The following PCLO variants were observed in gnomAD, a reference collection of about 807,000 sequenced individuals.
PCLO encodes piccolo presynaptic cytomatrix protein, also known as protein piccolo.
In PCLO, 82 loss-of-function variants were observed where a neutral mutation model predicts 427.5. The observed-to-expected ratio is 0.19, with a 90% CI of 0.16 to 0.23. The LOEUF (loss-of-function observed/expected upper bound fraction) is 0.23. Ranked by LOEUF, PCLO falls within the 10% of genes least tolerant of loss-of-function variation. The pLI, the probability that PCLO is intolerant of heterozygous loss-of-function variation, is 1.00. For synonymous variants in PCLO, 2,357 were observed against 2,155.4 expected, an observed-to-expected ratio of 1.09 and a Z score of -2.59; for missense variants, 6,239 against 6,115.9, an observed-to-expected ratio of 1.02 and a Z score of -0.67.
At chr7:83,047,435 T>C (rs190537698) in intron 3 of PCLO, among the ~76,000 whole-genome samples, 4 of 152,214 alleles carry the variant, frequency 2.6e-5, no homozygotes, top group Admixed American at 1.3e-4. Flanking sequence ...CCTTCATCTC[T>C]TACATTGTCC....
At chr7:83,114,722 G>A (rs1450191750) in intron 3 of PCLO, among the ~76,000 whole-genome samples, 1 of 151,868 alleles carries the variant, frequency 6.6e-6, no homozygotes, top group Non-Finnish European at 1.5e-5. Context: ...GATTGCATTG[G>A]GCCCATTAGT....
rs981736999 is a variant in PCLO at position 83,162,751 on chromosome 7, G to C, written c.-159C>G. 2.3e-5 allele frequency: 22 copies of C among 940,108 alleles called. No individual in the cohort carries two copies. In the African/African-American group the frequency reaches 2.9e-4, roughly 12 times the overall value. 58.2% of individuals were successfully genotyped at this position (940,108 alleles called of 1,614,324 possible). A position where few individuals can be genotyped will look rare whatever the true frequency, so the allele number is the denominator to read the frequency against. ...CCAGGCACTGCCGCCCGGAACGCCA[G>C]GCAGGGGTTAGTCCCGCTCGCAGGT... is the stretch of plus-strand genomic sequence containing the variant. On this transcript the variant is annotated 5_prime_UTR_variant, in exon 1 of 25. Coordinates refer to ENST00000333891, the MANE Select transcript of PCLO (RefSeq NM_033026.6).
intron 10 of PCLO, among the ~76,000 whole-genome samples, chr7:82,875,696 T>A (rs1426847071): frequency 6.6e-6 from 1 of 152,122 alleles, no homozygotes; most frequent in Non-Finnish European, 1.5e-5. Flanking sequence ...TGTCTTAAAA[T>A]CCTGTTATAT....
At chr7:83,026,806 C>G (rs1788511176) in intron 3 of PCLO, among the ~76,000 whole-genome samples, 1 of 148,786 alleles carries the variant, frequency 6.7e-6, no homozygotes, top group African/African-American at 2.5e-5. Flanking sequence ...GAATCTCACT[C>G]AAAACCGCTC....
chr7:82,779,079 A>G (rs1790815478), intron 22 of PCLO, among the ~76,000 whole-genome samples: 1 of 152,114 alleles, frequency 6.6e-6, no homozygotes, highest in Non-Finnish European at 1.5e-5. Context: ...GACATACTGT[A>G]TTCACGTCTT....
chr7:82,925,198 A>G (rs190884939), intron 6 of PCLO, among the ~76,000 whole-genome samples: 24 of 152,286 alleles, frequency 1.6e-4, no homozygotes, highest in Admixed American at 1.4e-3. Context: ...AATCATCTAA[A>G]AAGAGCTATT....
chr7:82,781,101 T>C (rs931820759), intron 22 of PCLO, among the ~76,000 whole-genome samples: 1 of 151,960 alleles, frequency 6.6e-6, no homozygotes, highest in African/African-American at 2.4e-5. Flanking sequence ...TAAGCAGTAA[T>C]TTTGAAAATA....
At chr7:83,072,465 C>T (rs1562950232) in intron 3 of PCLO, among the ~76,000 whole-genome samples, 2 of 152,006 alleles carry the variant, frequency 1.3e-5, no homozygotes. Flanking sequence ...CCTTCTTTTA[C>T]CACACTCGTC....
chr7:82,830,626 G>A (rs1446734075), intron 16 of PCLO, among the ~76,000 whole-genome samples: 1 of 151,824 alleles, frequency 6.6e-6, no homozygotes, highest in East Asian at 1.9e-4. Flanking sequence ...AAGGTGGTGA[G>A]GTTATGGAAA....
intron 22 of PCLO, among the ~76,000 whole-genome samples, chr7:82,798,013 A>G (rs1791264444): frequency 6.6e-6 from 1 of 152,142 alleles, no homozygotes; most frequent in South Asian, 2.1e-4. Context: ...ACTCCCTAAA[A>G]CATTACTTTT....
intron 3 of PCLO, among the ~76,000 whole-genome samples, chr7:83,084,486 G>T (rs2116410944): frequency 6.6e-6 from 1 of 152,068 alleles, no homozygotes; most frequent in South Asian, 2.1e-4. Context: ...CTATATAATG[G>T]TTAAGGCATG....
chr7:83,142,914 T>C (rs552524316), intron 2 of PCLO, among the ~76,000 whole-genome samples: 20 of 152,094 alleles, frequency 1.3e-4, no homozygotes, highest in African/African-American at 4.1e-4. Context: ...GTTGAGATCA[T>C]GCCACTGCAA....
intron 3 of PCLO, among the ~76,000 whole-genome samples, chr7:83,097,559 T>C (rs993673011): frequency 1.4e-5 from 2 of 146,438 alleles, no homozygotes; most frequent in Non-Finnish European, 3.0e-5. Context: ...AAAATACATA[T>C]ATTATATATA....
intron 3 of PCLO, among the ~76,000 whole-genome samples, chr7:83,046,722 T>C (rs1461228811): frequency 6.6e-6 from 1 of 152,050 alleles, no homozygotes; most frequent in Non-Finnish European, 1.5e-5. Flanking sequence ...TTTGTATATA[T>C]CCAAGGCCCC....
At chr7:83,144,389 C>A (rs559601726) in intron 2 of PCLO, among the ~76,000 whole-genome samples, 14 of 152,004 alleles carry the variant, frequency 9.2e-5, no homozygotes, top group African/African-American at 3.4e-4. Context: ...CCATTGCACT[C>A]CAGCCTGCAC....
At chr7:82,918,414 G>A (rs1289282124) in intron 6 of PCLO, among the ~76,000 whole-genome samples, 2 of 151,736 alleles carry the variant, frequency 1.3e-5, no homozygotes, top group African/African-American at 2.4e-5. Context: ...GAAAACTATG[G>A]TTTCTTGATT....
intron 22 of PCLO, among the ~76,000 whole-genome samples, chr7:82,771,525 T>G (rs140075423): frequency 1.3e-5 from 2 of 152,162 alleles, no homozygotes; most frequent in Admixed American, 1.3e-4. Flanking sequence ...ACCAGTTGAA[T>G]CACTTGAAAA....
chr7:83,154,913 T>C lies in PCLO; in HGVS notation c.1728A>G (p.Ala576=). ...GGAGGCCTTGTGAAGGAGGCTGTTT[T>C]GCAGATGGAGACACTGTTGGTGGCT... The part of the protein sequence containing the change: ...PLQPPTVSPS[A]KQPPSQGLPK... Residue 576 remains alanine (A), a synonymous_variant, in exon 2 of 25, where the codon GCA becomes GCG. Transcript: ENST00000333891. 6.2e-7 allele frequency: 1 copy of C among 1,614,058 alleles called. No individual in the cohort carries two copies. Among genetic ancestry groups the C allele is most frequent in the Non-Finnish European group, 8.5e-7 (1 of 1,179,902 alleles).
intron 10 of PCLO, among the ~76,000 whole-genome samples, chr7:82,867,950 G>A (rs529434503): frequency 6.6e-6 from 1 of 152,230 alleles, no homozygotes; most frequent in African/African-American, 2.4e-5. Context: ...TATCAGCCCA[G>A]GGACCAGTAA....
Sources: allele counts gnomAD v4.1 joint callset (sites outside exome capture counted in the v4.1 genomes callset), GRCh38; gene constraint gnomAD v4.1.1; transcripts MANE v1.5; gene names NCBI Gene and HGNC (gene_info 2026-07-23, HGNC 2026-07-21).